CHD1L: variants seen among roughly 807,000 people sequenced by gnomAD.
CHD1L encodes the protein ATP-dependent chromatin remodeler CHD1L.
Under a neutral mutation model 115.9 loss-of-function variants are expected in CHD1L, and 118 were observed. That is an observed-to-expected ratio of 1.02 (90% CI 0.88 to 1.19). The LOEUF is 1.19. CHD1L is among the 50% of genes most tolerant of loss of function. CHD1L has a pLI of 0.00. For missense variants in CHD1L, 1,179 were observed against 1,065.3 expected, an observed-to-expected ratio of 1.11 and a Z score of -1.49; for synonymous variants, 411 against 387.1, an observed-to-expected ratio of 1.06 and a Z score of -0.72.
the CHD1L span, among the ~76,000 whole-genome samples, chr1:147,216,650 G>T: frequency 1.3e-5 from 2 of 152,146 alleles, no homozygotes. Context: ...ATACAAAAAT[G>T]AGACAAGCTA....
At chr1:147,263,830 C>G (rs1672871361) in intron 6 of CHD1L, among the ~76,000 whole-genome samples, 2 of 151,976 alleles carry the variant, frequency 1.3e-5, no homozygotes, top group South Asian at 4.2e-4. Context: ...TCTTGGTGTT[C>G]TTCTTTGTTG....
the CHD1L span, among the ~76,000 whole-genome samples, chr1:147,181,531 C>T: frequency 2.6e-5 from 4 of 152,158 alleles, no homozygotes; most frequent in East Asian, 1.9e-4. Context: ...TTGAGGTTTG[C>T]GGAGATAGGT....
At chr1:147,203,408 G>C in the CHD1L span, 7 of 914,896 alleles carry the variant, frequency 7.7e-6, no homozygotes, top group Admixed American at 1.7e-5. Context: ...ATAGACCAGT[G>C]TTTTCCCAGG....
intron 10 of CHD1L, among the ~76,000 whole-genome samples, chr1:147,270,519 T>C (rs1242974892): frequency 7.9e-4 from 2 of 2,524 alleles, no homozygotes; most frequent in Non-Finnish European, 1.6e-3. Context: ...AGTTTTTCTT[T>C]TCTTTTTTTT....
Position 147,287,697 on chromosome 1 carries a change from C to G in CHD1L, c.2284C>G (p.Pro762Ala), listed in dbSNP as rs1683757358. 35 of 1,613,648 alleles carry G rather than the reference C, an allele frequency of 2.2e-5. No individual in the cohort carries two copies. The highest frequency in any genetic ancestry group is 1.8e-4 in the East Asian group (8 of 44,862). The change falls in exon 19 of 23, where the codon CCA (proline) becomes GCA (alanine). Residue 762 changes from proline to alanine, a missense_variant. By Grantham distance (27) the Pro-to-Ala change is conservative. Transcript: ENST00000369258. ...AGCTCTGGAAAAGCGATCCGCTGAG[C>G]CAAGAAAAATATATGAGCTGGCTGG... ...FTALEKRSAE[P>A]RKIYELAGKM...
At chr1:147,242,608 G>A, upstream of CHD1L, 1 of 1,183,486 alleles carries the variant, frequency 8.4e-7, no homozygotes, top group Non-Finnish European at 1.1e-6. Flanking sequence ...CTCGCTCGTA[G>A]GTGGGCCCCA....
intron 17 of CHD1L, among the ~76,000 whole-genome samples, chr1:147,285,890 G>T (rs587732565): frequency 7.0e-4 from 106 of 152,172 alleles, no homozygotes; most frequent in Admixed American, 4.0e-3. Context: ...TAGAGACAGA[G>T]TTTCACGGTG....
chr1:147,275,503 A>G (rs200715043), intron 13 of CHD1L, 35 bp downstream of exon 13: 678 of 1,525,072 alleles, frequency 4.4e-4, no homozygotes, highest in Non-Finnish European at 5.9e-4. Flanking sequence ...TGGCTTGCCC[A>G]GCAGCAGTTC....
At chr1:147,242,440 C>T (rs1665006073), upstream of CHD1L, among the ~76,000 whole-genome samples, 2 of 152,224 alleles carry the variant, frequency 1.3e-5, no homozygotes, top group African/African-American at 4.8e-5. Context: ...GGCAATCAGA[C>T]GTCCTGTGCG....
chr1:147,202,488 T>C, the CHD1L span, among the ~76,000 whole-genome samples: 2 of 151,794 alleles, frequency 1.3e-5, no homozygotes, highest in African/African-American at 2.4e-5. Flanking sequence ...CCTGGCTAAT[T>C]TTTGTATTTT....
intron 13 of CHD1L, among the ~76,000 whole-genome samples, chr1:147,275,782 T>TTAA (rs1553120328): frequency 1.4e-5 from 2 of 139,400 alleles, no homozygotes; most frequent in East Asian, 2.1e-4. Context: ...GGAGCTAAGC[T>TTAA]AAAAAAAAAA....
chr1:147,273,128 A>G (rs1209699813), intron 12 of CHD1L, among the ~76,000 whole-genome samples: 5 of 152,188 alleles, frequency 3.3e-5, no homozygotes, highest in Admixed American at 2.0e-4. Flanking sequence ...GCTGGAATCC[A>G]GGAGGCGGAG....
chr1:147,259,790 A>G, intron 5 of CHD1L, 47 bp from the exon 6 acceptor site: 1 of 1,473,726 alleles, frequency 6.8e-7, no homozygotes, highest in Non-Finnish European at 9.5e-7. Context: ...ATTGTGAAAT[A>G]TGTGTTTAAA....
the CHD1L span, among the ~76,000 whole-genome samples, chr1:147,197,637 C>T: frequency 6.6e-6 from 1 of 152,112 alleles, no homozygotes; most frequent in Non-Finnish European, 1.5e-5. Context: ...TCTCCTGCCA[C>T]CCTGTGAAGA....
At chr1:147,174,787 G>A in the CHD1L span, 2 of 151,784 alleles carry the variant, frequency 1.3e-5, no homozygotes, top group African/African-American at 4.8e-5. Flanking sequence ...TAGATTTATT[G>A]CTGTCACCCC....
At chr1:147,284,316 T>A in intron 15 of CHD1L, 35 bp from the exon 16 acceptor site, 1 of 1,491,636 alleles carries the variant, frequency 6.7e-7, no homozygotes, top group South Asian at 1.3e-5. Flanking sequence ...TTCCTTGGTA[T>A]CTAACATTTC....
In CHD1L at chr1:147,266,046, T is replaced by C. The variant is rs1416708695; in HGVS notation, c.854T>C (p.Leu285Ser). 2 of 1,613,512 alleles carry C rather than the reference T, an allele frequency of 1.2e-6. No homozygotes were observed. The highest frequency in any genetic ancestry group is 1.7e-6 in the Non-Finnish European group (2 of 1,179,732). The change falls in exon 8 of 23, where the codon TTG (leucine) becomes TCG (serine). Residue 285 changes from leucine (L) to serine (S), a missense_variant. Transcript: ENST00000369258. ...EVVIYHGMSA[L>S]QKKYYKAILM... Reference sequence around the variant, plus strand: ...GTGATATACCATGGCATGTCAGCATTGCAGAAGAAATACTACAAGGCCATT... The same window carrying C: ...GTGATATACCATGGCATGTCAGCATCGCAGAAGAAATACTACAAGGCCATT...
intron 21 of CHD1L, 22 bp downstream of exon 21, chr1:147,293,744 CAAGAG>C: frequency 6.3e-7 from 1 of 1,576,818 alleles, no homozygotes; most frequent in Non-Finnish European, 8.7e-7. Flanking sequence ...CACCTGTGCT[CAAGAG>C]TAGATGAATT....
the CHD1L span, among the ~76,000 whole-genome samples, chr1:147,220,771 C>T: frequency 6.6e-6 from 1 of 152,088 alleles, no homozygotes; most frequent in Non-Finnish European, 1.5e-5. Context: ...ATACCAGCCC[C>T]ATACAATTTA....
Sources: gnomAD v4.1 joint callset for allele counts (sites outside exome capture counted in the v4.1 genomes callset) on GRCh38, gnomAD v4.1.1 for gene constraint, MANE v1.5 for transcripts, NCBI Gene and HGNC (gene_info 2026-07-23, HGNC 2026-07-21) for gene names.